The following TIMP2 variants were observed in gnomAD, a reference collection of about 807,000 sequenced individuals.
The protein encoded by TIMP2 is TIMP metallopeptidase inhibitor 2.
In TIMP2, 5 loss-of-function variants were observed where a neutral mutation model predicts 24.3. That is an observed-to-expected ratio of 0.21 (90% CI 0.11 to 0.43). TIMP2 has a LOEUF of 0.43. TIMP2 is among the 20% of genes least tolerant of loss of function. The pLI, the probability that TIMP2 is intolerant of heterozygous loss-of-function variation, is 1.00. For missense variants in TIMP2, 221 were observed against 297.5 expected, an observed-to-expected ratio of 0.74 and a Z score of 1.89; for synonymous variants, 130 against 123.2, an observed-to-expected ratio of 1.06 and a Z score of -0.37.
chr17:78,884,104 G>A (rs879620445), intron 1 of TIMP2, among the ~76,000 whole-genome samples: 5 of 152,220 alleles, frequency 3.3e-5, no homozygotes, highest in South Asian at 2.1e-4. Flanking sequence ...AGCCAGAGCC[G>A]GAGCAGGGAC....
rs1198602595 is a variant in TIMP2, at chr17:78,890,645, A to G, written c.131-16726T>C. 3.9e-6 allele frequency: 6 copies of G among 1,549,716 alleles called. No homozygotes were observed. The South Asian group carries it at 4.8e-5, about 12-fold the overall frequency. ...CGGGTGGGCCTCTCGCATTTAGCAT[A>G]TGTTCTGAAACTCCCGCAAGCATTT... On this transcript the variant is annotated intron_variant, in intron 1 of 4. Transcript: ENST00000262768.
rs1006353484 is a variant in TIMP2 at position 78,924,874 on chromosome 17, CGGCG to C, written c.130+81_130+84del. On this transcript the variant is annotated intron_variant, in intron 1 of 4. Transcript: ENST00000262768. This position sits in a 1 kb window ranked among gnomAD's most constrained non-coding sequence, Gnocchi z 5.3. ...GCGGGCGCTGGGGTCCCTCGGCCAG[CGGCG>C]GGCGGGCGGGGCGTCTGCGAACCCT... 821 of 873,282 alleles carry C rather than the reference CGGCG, an allele frequency of 9.4e-4. 1 individual carries two copies. The highest frequency in any genetic ancestry group is 1.1e-3 in the Non-Finnish European group (771 of 709,010). 54.1% of individuals were successfully genotyped at this position (873,282 alleles called of 1,614,324 possible).
At position 78,918,029 on chromosome 17, in the gene TIMP2, C is replaced by T. The variant is rs1044344019; in HGVS notation, c.130+6930G>A. Among the ~76,000 whole-genome samples the T allele has an allele frequency of 3.3e-5, 5 of 150,762 alleles. No individual in the cohort carries two copies. The East Asian group carries it at 9.7e-4, about 29-fold the overall frequency. On this transcript the variant is annotated intron_variant, in intron 1 of 4. Transcript: ENST00000262768. ...ACCTTTGAGAAGTTGGCGGCTGCCA[C>T]TGTCCACAAAAAAAACACGTACGCG...
At position 78,881,112 on chromosome 17, in the gene TIMP2, G is replaced by A. The variant is rs145975776; in HGVS notation, c.131-7193C>T. On this transcript the variant is annotated intron_variant, in intron 1 of 4. Coordinates refer to ENST00000262768, the MANE Select transcript of TIMP2 (RefSeq NM_003255.5). ...GCTGCTAAATACAAAGTCAAAACCCGGCCCGATCATCTGCACCTTGTGTGC... is the reference window on the plus strand; with the variant it reads ...GCTGCTAAATACAAAGTCAAAACCCAGCCCGATCATCTGCACCTTGTGTGC... 4.4e-3 allele frequency among the ~76,000 whole-genome samples: 664 copies of A among 152,296 alleles called. 1 individual carries two copies. Among genetic ancestry groups the A allele is most frequent in the Admixed American group, 7.3e-3 (112 of 15,298 alleles).
chr17:78,883,613 C>G (rs2069798276), intron 1 of TIMP2, among the ~76,000 whole-genome samples: 1 of 152,184 alleles, frequency 6.6e-6, no homozygotes, highest in African/African-American at 2.4e-5. Flanking sequence ...GCCCTGCCGC[C>G]CCAGGGAATG....
chr17:78,879,425 A>C (rs960211960), intron 1 of TIMP2, among the ~76,000 whole-genome samples: 3 of 152,218 alleles, frequency 2.0e-5, no homozygotes, highest in African/African-American at 7.2e-5. Flanking sequence ...AAGAGACATA[A>C]GGAATCTGGG....
rs551471463 is a variant in TIMP2, at chr17:78,905,392, T to C, written c.130+19567A>G. On this transcript the variant is annotated intron_variant, in intron 1 of 4. Transcript: ENST00000262768. ...ATAAATCCCATCTTACGCAGCTGGA[T>C]GGAGCCTATTGGTTCTGTTTCTCTG... is the stretch of plus-strand genomic sequence containing the variant. Among the ~76,000 whole-genome samples, 49 of 152,350 alleles carry C rather than the reference T, an allele frequency of 3.2e-4. 1 individual carries two copies. In the South Asian group the frequency reaches 0.01, roughly 32 times the overall value.
chr17:78,870,927 A>T lies in TIMP2; in HGVS notation c.311T>A (p.Val104Asp). ...SSAVCGVSLDVGGKKEYLIAG... is the reference protein window; with the variant it reads ...SSAVCGVSLDDGGKKEYLIAG... ...AATGAGATATTCCTTCTTTCCTCCA[A>T]CGTCCAGCGAGACCCCACACACTGC... Residue 104 changes from valine to aspartate, a missense_variant, in exon 3 of 5, where the codon GTT becomes GAT. Physicochemically the swap from Val to Asp is radical, Grantham distance 152 (BLOSUM62 -3). Transcript: ENST00000262768. The T allele has an allele frequency of 6.2e-7, 1 of 1,613,732 alleles. No individual in the cohort carries two copies. Among genetic ancestry groups the T allele is most frequent in the East Asian group, 2.2e-5 (1 of 44,850 alleles).
intron 1 of TIMP2, among the ~76,000 whole-genome samples, chr17:78,906,082 A>C (rs1490910321): frequency 6.6e-6 from 1 of 152,210 alleles, no homozygotes; most frequent in Non-Finnish European, 1.5e-5. Context: ...ATTTACAAAT[A>C]CTTTATTGGC....
rs1361723856 is a variant in TIMP2, at chr17:78,906,967, C to T, written c.130+17992G>A. On this transcript the variant is annotated intron_variant, in intron 1 of 4. Transcript: ENST00000262768. ...TCACATTCACAACTTGGCTGTTTGG[C>T]ACAAAAGGCCTAGCTGTCAGCCTAC... is the stretch of plus-strand genomic sequence containing the variant. Among the ~76,000 whole-genome samples, 3 of 152,312 alleles carry T rather than the reference C, an allele frequency of 2.0e-5. No homozygotes were observed. The East Asian group carries it at 5.8e-4, about 29-fold the overall frequency.
At chr17:78,912,223 G>T (rs150119331) in intron 1 of TIMP2, among the ~76,000 whole-genome samples, 1 of 152,110 alleles carries the variant, frequency 6.6e-6, no homozygotes, top group Non-Finnish European at 1.5e-5. Context: ...TTTTCATGTC[G>T]CCTCTTTTCT....
At position 78,891,692 on chromosome 17, in the gene TIMP2, T is replaced by C; in HGVS notation, c.131-17773A>G. The C allele has an allele frequency of 6.4e-7, 1 of 1,551,076 alleles. No individual in the cohort carries two copies. Among genetic ancestry groups the C allele is most frequent in the African/African-American group, 1.4e-5 (1 of 73,142 alleles). ...CCTCCTCCCCGCCCGAGCTGTTCCT[T>C]TCTCTTTTTCCTCCACAAGCCCGAT... On this transcript the variant is annotated intron_variant, in intron 1 of 4. Coordinates refer to ENST00000262768, the MANE Select transcript of TIMP2 (RefSeq NM_003255.5). This position sits in a 1 kb window ranked among gnomAD's most constrained non-coding sequence, Gnocchi z 4.5.
At chr17:78,875,728 G>GCCCCAC (rs2069722073) in intron 1 of TIMP2, among the ~76,000 whole-genome samples, 1 of 152,098 alleles carries the variant, frequency 6.6e-6, no homozygotes, top group African/African-American at 2.4e-5. Flanking sequence ...CCCAGCCCCA[G>GCCCCAC]CCCCACCCCA....
At chr17:78,897,545 C>G (rs1054411861) in intron 1 of TIMP2, 3 of 152,234 alleles carry the variant, frequency 2.0e-5, no homozygotes, top group Admixed American at 2.0e-4. Context: ...GGTGAATCCA[C>G]CCACAGTGGG....
Position 78,857,661 on chromosome 17 carries a change from G to C in TIMP2, c.341-15C>G. ...CTCGGCCTTTCCTGCGGAGAGACGG[G>C]GATCACCGAGCTCAGGGAGAGGGAA... On this transcript the variant is annotated splice_polypyrimidine_tract_variant and intron_variant, in intron 3 of 4. Coordinates refer to ENST00000262768, the MANE Select transcript of TIMP2 (RefSeq NM_003255.5). The C allele has an allele frequency of 6.2e-7, 1 of 1,613,886 alleles. No individual in the cohort carries two copies. The highest frequency in any genetic ancestry group is 2.2e-5 in the East Asian group (1 of 44,886).
Position 78,870,900 on chromosome 17 carries a change from G to A in TIMP2, c.338C>T (p.Ala113Val), listed in dbSNP as rs1163662057. Residue 113 changes from alanine (A) to valine (V), a missense_variant and splice_region_variant, in exon 3 of 5, where the codon GCA becomes GTA. Physicochemically the swap from Ala to Val is moderately conservative, Grantham distance 64. Coordinates refer to ENST00000262768, the MANE Select transcript of TIMP2 (RefSeq NM_003255.5). The stretch of plus-strand genomic sequence containing the variant: ...CTGATGGCCCCACTCATACACACCT[G>A]CAATGAGATATTCCTTCTTTCCTCC... ...DVGGKKEYLI[A>V]GKAEGDGKMH... 1.9e-6 allele frequency: 3 copies of A among 1,612,886 alleles called. No individual in the cohort carries two copies. Among genetic ancestry groups the A allele is most frequent in the South Asian group, 1.1e-5 (1 of 90,928 alleles).
In TIMP2 at chr17:78,925,336, A is replaced by AGCGGCGCTGCGGTTCTCGGCG. The variant is rs1161423595; in HGVS notation, c.-269_-249dup. 3 of 146,632 alleles carry AGCGGCGCTGCGGTTCTCGGCG rather than the reference A, an allele frequency of 2.0e-5. No homozygotes were observed. Among genetic ancestry groups the AGCGGCGCTGCGGTTCTCGGCG allele is most frequent in the African/African-American group, 7.6e-5 (3 of 39,312 alleles). 9.1% of individuals were successfully genotyped at this position (146,632 alleles called of 1,614,324 possible). On this transcript the variant is annotated 5_prime_UTR_variant, in exon 1 of 5. Transcript: ENST00000262768. ...GCGGCGGGGTGGGGGGCGGCGGGCG[A>AGCGGCGCTGCGGTTCTCGGCG]GCGGCGCTGCGGTTCTCGGCGGCCG...
At position 78,892,375 on chromosome 17, in the gene TIMP2, A is replaced by G. The variant is rs759988687; in HGVS notation, c.131-18456T>C. 7 of 1,550,502 alleles carry G rather than the reference A, an allele frequency of 4.5e-6. No individual in the cohort carries two copies. The African/African-American group carries it at 9.6e-5, about 21-fold the overall frequency. On this transcript the variant is annotated intron_variant, in intron 1 of 4. Coordinates refer to ENST00000262768, the MANE Select transcript of TIMP2 (RefSeq NM_003255.5). Reference sequence around the variant, plus strand: ...ACCCAGCAGATACAGCTTCCCAGGGAAGGTGCTTGGAGCCAAGAGTGGAGG... The same window carrying G: ...ACCCAGCAGATACAGCTTCCCAGGGGAGGTGCTTGGAGCCAAGAGTGGAGG...
chr17:78,909,312 G>A (rs1052984631), intron 1 of TIMP2, among the ~76,000 whole-genome samples: 10 of 151,692 alleles, frequency 6.6e-5, no homozygotes, highest in Non-Finnish European at 1.5e-4. Flanking sequence ...CTAGGATCAC[G>A]CCACTGCACT....
Sources: gnomAD v4.1 joint callset for allele counts (sites outside exome capture counted in the v4.1 genomes callset) on GRCh38, gnomAD v4.1.1 for gene constraint, Gnocchi (gnomAD v3.1) non-coding constraint, MANE v1.5 for transcripts, NCBI Gene and HGNC (gene_info 2026-07-23, HGNC 2026-07-21) for gene names.